ATP13A2: variants seen among roughly 807,000 people sequenced by gnomAD.
ATP13A2 encodes the protein ATPase cation transporting 13A2.
A neutral mutation model predicts 138.3 loss-of-function variants in ATP13A2; 83 were observed. The observed-to-expected ratio is 0.60, with a 90% CI of 0.50 to 0.72. The LOEUF is 0.72. Among genes scored for constraint, ATP13A2 ranks in the 30% least tolerant of loss-of-function variants. ATP13A2 has a pLI of 0.00. For missense variants in ATP13A2, 1,402 were observed against 1,606.4 expected, an observed-to-expected ratio of 0.87 and a Z score of 2.17; for synonymous variants, 663 against 699.0, an observed-to-expected ratio of 0.95 and a Z score of 0.81.
Position 17,002,022 on chromosome 1 carries a change from G to A in ATP13A2, c.705+12C>T. 6.2e-7 allele frequency: 1 copy of A among 1,606,190 alleles called. No homozygotes were observed. Among genetic ancestry groups the A allele is most frequent in the Admixed American group, 1.7e-5 (1 of 59,576 alleles). On this transcript the variant is annotated intron_variant, in intron 8 of 28. Coordinates refer to ENST00000326735, the MANE Select transcript of ATP13A2 (RefSeq NM_022089.4). Reference sequence around the variant, plus strand: ...CAGGCAGGGCTGGGGCAAGACCCAGGGACAGCCCTACCTCGTCCACCAGCA... The same window carrying A: ...CAGGCAGGGCTGGGGCAAGACCCAGAGACAGCCCTACCTCGTCCACCAGCA...
chr1:17,004,853 T>C lies in ATP13A2; in HGVS notation c.348-32A>G. Reference sequence around the variant, plus strand: ...AAGCAGGTGAGGGTTACTCTCGAGCTCTGGGAGCTGCCCTGGCACCTCCCT... The same window carrying C: ...AAGCAGGTGAGGGTTACTCTCGAGCCCTGGGAGCTGCCCTGGCACCTCCCT... On this transcript the variant is annotated intron_variant, in intron 4 of 28. Transcript: ENST00000326735. This position sits in a 1 kb window ranked among gnomAD's most constrained non-coding sequence, Gnocchi z 4.1. 1 of 1,613,516 alleles carries C rather than the reference T, an allele frequency of 6.2e-7. No individual in the cohort carries two copies. Among genetic ancestry groups the C allele is most frequent in the Middle Eastern group, 1.7e-4 (1 of 6,046 alleles).
At chr1:16,992,749 C>G (rs1474917223) in intron 16 of ATP13A2, among the ~76,000 whole-genome samples, 168 bp from the exon 17 acceptor site, 1 of 152,238 alleles carries the variant, frequency 6.6e-6, no homozygotes, top group Non-Finnish European at 1.5e-5. Context: ...TACTTACAAG[C>G]TGTTGGGTGA....
chr1:16,999,266 G>A (rs1044395296), intron 11 of ATP13A2, among the ~76,000 whole-genome samples: 3 of 151,668 alleles, frequency 2.0e-5, no homozygotes, highest in African/African-American at 7.3e-5. Flanking sequence ...TGTAATCCCA[G>A]GTACTTGGGT....
Position 17,005,412 on chromosome 1 carries a change from G to A in ATP13A2, c.250C>T (p.His84Tyr), listed in dbSNP as rs1225584212. The A allele has an allele frequency of 3.7e-6, 6 of 1,612,358 alleles. No individual in the cohort carries two copies. Among genetic ancestry groups the A allele is most frequent in the Non-Finnish European group, 5.1e-6 (6 of 1,179,226 alleles). The change falls in exon 3 of 29, where the codon CAC becomes TAC. Residue 84 changes from histidine to tyrosine, a missense_variant. Physicochemically the swap from His to Tyr is moderately conservative, Grantham distance 83 (BLOSUM62 2). Transcript: ENST00000326735. Reference sequence around the variant, plus strand: ...ATTTCGATAACGAGTGTTTCGGCGTGGGCCAGGTTGCAGGGCCGGAGCCGC... The same window carrying A: ...ATTTCGATAACGAGTGTTTCGGCGTAGGCCAGGTTGCAGGGCCGGAGCCGC... Reference protein sequence around the residue: ...RLRLRPCNLAHAETLVIEIRD... With the variant: ...RLRLRPCNLAYAETLVIEIRD...
intron 6 of ATP13A2, among the ~76,000 whole-genome samples, chr1:17,002,929 A>C (rs1282611510): frequency 6.6e-6 from 1 of 152,098 alleles, no homozygotes; most frequent in Non-Finnish European, 1.5e-5. Context: ...GGACCCTGAA[A>C]ACACCTGTCT....
At position 17,004,894 on chromosome 1, in the gene ATP13A2, T is replaced by A; in HGVS notation, c.348-73A>T. ...GCACCTCCCTGTGCTCACAGAGCCATCTTCCCTCCCTAGGATGGGAGGCGC... is the reference window on the plus strand; with the variant it reads ...GCACCTCCCTGTGCTCACAGAGCCAACTTCCCTCCCTAGGATGGGAGGCGC... On this transcript the variant is annotated intron_variant, in intron 4 of 28. Coordinates refer to ENST00000326735, the MANE Select transcript of ATP13A2 (RefSeq NM_022089.4). The surrounding 1 kb of genome is among the most constrained non-coding windows in gnomAD (Gnocchi z 4.1). 6.2e-7 allele frequency: 1 copy of A among 1,613,044 alleles called. No homozygotes were observed.
At chr1:17,000,607 T>C in intron 8 of ATP13A2, 73 bp from the exon 9 acceptor site, 2 of 1,566,560 alleles carry the variant, frequency 1.3e-6, no homozygotes, top group Admixed American at 3.7e-5. Flanking sequence ...GGGTCTCCTG[T>C]GCCCATGGGA....
intron 23 of ATP13A2, 100 bp from the exon 24 acceptor site, chr1:16,988,574 G>T: frequency 6.9e-7 from 1 of 1,449,302 alleles, no homozygotes; most frequent in South Asian, 1.1e-5. Flanking sequence ...AATGCCACAT[G>T]GTGCCTGGTG....
In ATP13A2 at chr1:16,986,672, C is replaced by T. The variant is rs778282746; in HGVS notation, c.3236-40G>A. 1.9e-6 allele frequency: 3 copies of T among 1,580,016 alleles called. No individual in the cohort carries two copies. The highest frequency in any genetic ancestry group is 1.7e-6 in the Non-Finnish European group (2 of 1,167,628). ...GTCTCTCAGGCAGGAGCCACGCCCC[C>T]CCGGCACCCACAGACACACGTGTGC... On this transcript the variant is annotated intron_variant, in intron 27 of 28. Transcript: ENST00000326735. The surrounding 1 kb of genome is among the most constrained non-coding windows in gnomAD (Gnocchi z 6.9).
Position 16,987,227 on chromosome 1 carries a change from G to C in ATP13A2, c.2902C>G (p.Leu968Val). 6.2e-7 allele frequency: 1 copy of C among 1,613,886 alleles called. No individual in the cohort carries two copies. Among genetic ancestry groups the C allele is most frequent in the African/African-American group, 1.3e-5 (1 of 75,040 alleles). Residue 968 changes from leucine to valine, a missense_variant, in exon 26 of 29, where the codon CTG (leucine) becomes GTG (valine). Leu to Val is a conservative substitution (Grantham distance 32). Transcript: ENST00000326735. ...ACTGCCACTGTGGTGGTGATGACCA[G>C]GTCGATGGCCAGGAACTGCAGGTCA... Reference protein sequence around the residue: ...LGDLQFLAIDLVITTTVAVLM... With the variant: ...LGDLQFLAIDVVITTTVAVLM...
chr1:16,997,299 A>G (rs1040779898), intron 11 of ATP13A2, 124 bp from the exon 12 acceptor site: 1 of 1,168,102 alleles, frequency 8.6e-7, no homozygotes, highest in Non-Finnish European at 1.2e-6. Context: ...AGGTGTGAAC[A>G]AGAAATCACA....
In ATP13A2 at chr1:17,011,215, G is replaced by A. The variant is rs1349692786; in HGVS notation, c.10+514C>T. Among the ~76,000 whole-genome samples, 4 of 152,280 alleles carry A rather than the reference G, an allele frequency of 2.6e-5. No individual in the cohort carries two copies. Among genetic ancestry groups the A allele is most frequent in the East Asian group, 1.9e-4 (1 of 5,170 alleles). ...CTGGGTGTGACGGGTTTTCTCTGGG[G>A]TCTGAGGCAGGAGGTCAGGAGTGGC... On this transcript the variant is annotated intron_variant, in intron 1 of 28. Transcript: ENST00000326735. The surrounding 1 kb of genome is among the most constrained non-coding windows in gnomAD (Gnocchi z 7.3).
chr1:17,006,016 T>C (rs541370389), intron 1 of ATP13A2, among the ~76,000 whole-genome samples: 23 of 152,126 alleles, frequency 1.5e-4, no homozygotes, highest in Admixed American at 1.4e-3. Context: ...GTGCCTGTAA[T>C]CTCAGCTACT....
At position 16,996,013 on chromosome 1, in the gene ATP13A2, T is replaced by G; in HGVS notation, c.1505A>C (p.Asn502Thr). 3 of 1,614,016 alleles carry G rather than the reference T, an allele frequency of 1.9e-6. No individual in the cohort carries two copies. Among genetic ancestry groups the G allele is most frequent in the Non-Finnish European group, 2.5e-6 (3 of 1,180,020 alleles). ...GIFCIHPLRI[N>T]LGGKLQLVCF... ...CACCAGCTGCAGCTTGCCCCCCAGG[T>G]TGATGCGCAGTGGGTGGATGCAGAA... The change falls in exon 15 of 29, where the codon AAC becomes ACC. Residue 502 changes from asparagine (N) to threonine (T), a missense_variant. Coordinates refer to ENST00000326735, the MANE Select transcript of ATP13A2 (RefSeq NM_022089.4).
intron 1 of ATP13A2, among the ~76,000 whole-genome samples, chr1:17,006,541 G>A (rs561472754): frequency 5.9e-5 from 9 of 152,196 alleles, no homozygotes; most frequent in Non-Finnish European, 1.0e-4. Context: ...ATGAGCCACC[G>A]TGCTTGGCCA....
In ATP13A2 at chr1:17,011,582, G is replaced by T; in HGVS notation, c.10+147C>A. 1.0e-6 allele frequency: 1 copy of T among 1,000,162 alleles called. No homozygotes were observed. Among genetic ancestry groups the T allele is most frequent in the Non-Finnish European group, 1.3e-6 (1 of 765,876 alleles). The allele number at this position is 1,000,162 out of a possible 1,614,324, so 62.0% of individuals were successfully genotyped here. A position where few individuals can be genotyped will look rare whatever the true frequency, so the allele number is the denominator to read the frequency against. On this transcript the variant is annotated intron_variant, in intron 1 of 28. Coordinates refer to ENST00000326735, the MANE Select transcript of ATP13A2 (RefSeq NM_022089.4). The surrounding 1 kb of genome is among the most constrained non-coding windows in gnomAD (Gnocchi z 7.3). ...GAGTCCCCGTCAAAAGGGAGGGGAC[G>T]GGCCAGGATCCCCAACCAGGTCCCG...
At chr1:17,007,221 G>A (rs1290184541) in intron 1 of ATP13A2, among the ~76,000 whole-genome samples, 1 of 152,176 alleles carries the variant, frequency 6.6e-6, no homozygotes, top group East Asian at 1.9e-4. Context: ...TAGAGCTGTG[G>A]CCTTAGCAGG....
At chr1:16,996,343 T>A (rs1170528688) in intron 13 of ATP13A2, 43 bp from the exon 14 acceptor site, 2 of 1,610,334 alleles carry the variant, frequency 1.2e-6, no homozygotes, top group African/African-American at 2.7e-5. Context: ...GGGACCCAGG[T>A]GGGGGGGGCT....
Position 16,995,808 on chromosome 1 carries a change from C to A in ATP13A2, c.1542+168G>T. ...GACATTTCATCTGCCAGACCGTGAG[C>A]CCAGTGAGGGCAGGAGTGGGATGGG... On this transcript the variant is annotated intron_variant, in intron 15 of 28. Coordinates refer to ENST00000326735, the MANE Select transcript of ATP13A2 (RefSeq NM_022089.4). The surrounding 1 kb of genome is among the most constrained non-coding windows in gnomAD (Gnocchi z 4.1). 1 of 830,568 alleles carries A rather than the reference C, an allele frequency of 1.2e-6. No individual in the cohort carries two copies. The highest frequency in any genetic ancestry group is 1.4e-5 in the South Asian group (1 of 69,170). The allele number at this position is 830,568 out of a possible 1,614,324, so 51.4% of individuals were successfully genotyped here.
Sources: gnomAD v4.1 joint callset for allele counts (sites outside exome capture counted in the v4.1 genomes callset) on GRCh38, gnomAD v4.1.1 for gene constraint, Gnocchi (gnomAD v3.1) non-coding constraint, MANE v1.5 for transcripts, NCBI Gene and HGNC (gene_info 2026-07-23, HGNC 2026-07-21) for gene names.